The following C22orf42 variants were observed in gnomAD, a reference collection of about 807,000 sequenced individuals.
C22orf42 encodes uncharacterized protein C22orf42.
In C22orf42, 24 loss-of-function variants were observed where a neutral mutation model predicts 31.4. That is an observed-to-expected ratio of 0.77 (90% confidence interval 0.55 to 1.08). C22orf42 has a LOEUF of 1.08. Among genes scored for constraint, C22orf42 ranks in the 50% least tolerant of loss-of-function variants. C22orf42 has a pLI of 0.00. For missense variants in C22orf42, 276 were observed against 327.3 expected, an observed-to-expected ratio of 0.84 and a Z score of 1.21; for synonymous variants, 96 against 112.7, an observed-to-expected ratio of 0.85 and a Z score of 0.94.
chr22:32,159,604 A>C (rs1361824550), upstream of C22orf42: 1 of 484,562 alleles, frequency 2.1e-6, no homozygotes, highest in Non-Finnish European at 2.8e-6. Flanking sequence ...TGGTTACTAA[A>C]GTCAGTTCCA....
At position 32,156,619 on chromosome 22, in the gene C22orf42, G is replaced by A. The variant is rs1217224372; in HGVS notation, c.233-2301C>T. On this transcript the variant is annotated intron_variant, in intron 1 of 8. Transcript: ENST00000382097. ...CCTGCTTTCTTTCATGTATGTTACC[G>A]CATGTTCTCCCTTTTTGCTTTTCTG... 6.8e-5 allele frequency among the ~76,000 whole-genome samples: 9 copies of A among 133,228 alleles called. No individual in the cohort carries two copies. In the East Asian group the frequency reaches 1.2e-3, roughly 18 times the overall value. 87.4% of individuals were successfully genotyped at this position (133,228 alleles called of 152,430 possible).
In C22orf42 at chr22:32,159,096, T is replaced by C; in HGVS notation, c.120A>G (p.Ala40=). ...CEIPETVAAT[A]PASTTAKPAK... is the part of the protein sequence containing the mutation. The stretch of plus-strand genomic sequence containing the variant: ...CAGGCTTTGCAGTGGTGGATGCTGG[T>C]GCTGTGGCTGCCACAGTCTCAGGAA... The change falls in exon 1 of 9, where the codon GCA becomes GCG. Residue 40 remains alanine (A), a synonymous_variant. Transcript: ENST00000382097. The C allele has an allele frequency of 1.2e-6, 2 of 1,614,176 alleles. No individual in the cohort carries two copies. The highest frequency in any genetic ancestry group is 1.7e-6 in the Non-Finnish European group (2 of 1,180,020).
Position 32,150,588 on chromosome 22 carries a change from G to A in C22orf42, c.494-109C>T, listed in dbSNP as rs531798915. ...ATCATGTGCAGGTGGGCGGTTGACA[G>A]GCATGGACTGAGCTGCTGCTGGACC... On this transcript the variant is annotated intron_variant, in intron 6 of 8. Coordinates refer to ENST00000382097, the MANE Select transcript of C22orf42 (RefSeq NM_001010859.3). The A allele has an allele frequency of 3.7e-6, 4 of 1,069,126 alleles. No homozygotes were observed. In the East Asian group the frequency reaches 7.2e-5, roughly 19 times the overall value. The allele number at this position is 1,069,126 out of a possible 1,614,324, so 66.2% of individuals were successfully genotyped here.
At chr22:32,158,095 T>C (rs1345658717) in intron 1 of C22orf42, among the ~76,000 whole-genome samples, 4 of 152,266 alleles carry the variant, frequency 2.6e-5, no homozygotes, top group Non-Finnish European at 5.9e-5. Context: ...AATGTAGTTA[T>C]ACACAAATTT....
In C22orf42 at chr22:32,154,307, G is replaced by A. The variant is rs749257845; in HGVS notation, c.244C>T (p.Arg82Cys). 2.4e-5 allele frequency: 38 copies of A among 1,612,434 alleles called. No homozygotes were observed. The highest frequency in any genetic ancestry group is 1.6e-4 in the Middle Eastern group (1 of 6,076). Reference protein sequence around the residue: ...MLKMSKGLDARSKRWLKIIWR... With the variant: ...MLKMSKGLDACSKRWLKIIWR... The stretch of plus-strand genomic sequence containing the variant: ...ATTATTTTTAACCAGCGCTTGGAGC[G>A]GGCGTCCAAACCTGCAAGGTAGAGC... The change falls in exon 2 of 9, where the codon CGC (arginine) becomes TGC (cysteine). Residue 82 changes from arginine (R) to cysteine (C), a missense_variant. Transcript: ENST00000382097.
intron 1 of C22orf42, among the ~76,000 whole-genome samples, 197 bp from the exon 2 acceptor site, chr22:32,154,515 G>T (rs1292846539): frequency 2.0e-5 from 3 of 152,234 alleles, no homozygotes; most frequent in Admixed American, 1.3e-4. Flanking sequence ...ATTTTGCAAG[G>T]TTCGTTGCAT....
Position 32,150,539 on chromosome 22 carries a change from T to C in C22orf42, c.494-60A>G, listed in dbSNP as rs540529853. On this transcript the variant is annotated intron_variant, in intron 6 of 8. Coordinates refer to ENST00000382097, the MANE Select transcript of C22orf42 (RefSeq NM_001010859.3). ...CTGCTGAGGAATCCCACAAGGAGCC[T>C]TGGGGGATGTGGACCAGGGCTGGAT... The C allele has an allele frequency of 7.4e-5, 116 of 1,564,712 alleles. No homozygotes were observed. In the East Asian group the frequency reaches 1.9e-3, roughly 25 times the overall value.
At chr22:32,157,550 C>A (rs1206948877) in intron 1 of C22orf42, among the ~76,000 whole-genome samples, 1 of 152,230 alleles carries the variant, frequency 6.6e-6, no homozygotes, top group Non-Finnish European at 1.5e-5. Context: ...TCCCATCATC[C>A]TCACAAGGCT....
chr22:32,151,681 C>T, intron 4 of C22orf42, 130 bp from the exon 5 acceptor site: 1 of 821,746 alleles, frequency 1.2e-6, no homozygotes, highest in Admixed American at 2.0e-5. Flanking sequence ...TGAGCTGCTG[C>T]TGGACCATTC....
In C22orf42 at chr22:32,149,345, C is replaced by T. The variant is rs1603174481; in HGVS notation, c.*195G>A. 9.3e-6 allele frequency: 5 copies of T among 535,236 alleles called. No homozygotes were observed. In the East Asian group the frequency reaches 1.3e-4, roughly 14 times the overall value. The allele number at this position is 535,236 out of a possible 1,614,324, so 33.2% of individuals were successfully genotyped here. ...GCATGGTGACTGAGAATGTGAGCCT[C>T]AGAATGAAATGTAAGAACACCAGGC... is the stretch of plus-strand genomic sequence containing the variant. On this transcript the variant is annotated 3_prime_UTR_variant, in exon 9 of 9. Coordinates refer to ENST00000382097, the MANE Select transcript of C22orf42 (RefSeq NM_001010859.3).
At chr22:32,152,707 G>A in intron 2 of C22orf42, 81 bp from the exon 3 acceptor site, 1 of 1,392,396 alleles carries the variant, frequency 7.2e-7, no homozygotes, top group Non-Finnish European at 1.0e-6. Flanking sequence ...GTGGACCGGG[G>A]CTGGAGTATG....
intron 2 of C22orf42, among the ~76,000 whole-genome samples, chr22:32,152,876 G>T (rs1477856826): frequency 1.3e-5 from 2 of 152,172 alleles, no homozygotes; most frequent in Non-Finnish European, 2.9e-5. Flanking sequence ...GTTTAATACA[G>T]AAAGGCACTG....
In C22orf42 at chr22:32,150,334, G is replaced by A. The variant is rs1373450976; in HGVS notation, c.639C>T (p.Leu213=). The A allele has an allele frequency of 6.2e-7, 1 of 1,613,902 alleles. No homozygotes were observed. The highest frequency in any genetic ancestry group is 1.3e-5 in the African/African-American group (1 of 74,918). The part of the protein sequence containing the change: ...SESLSVSLED[L]MTPEMAKERY... ...TGCATCTTACCATCTCCGGTGTCAT[G>A]AGGTCTTCAAGAGAGACAGATAGGC... The change falls in exon 7 of 9, where the codon CTC becomes CTT. Residue 213 remains leucine (L), a synonymous_variant. Coordinates refer to ENST00000382097, the MANE Select transcript of C22orf42 (RefSeq NM_001010859.3).
intron 1 of C22orf42, among the ~76,000 whole-genome samples, chr22:32,158,727 CAA>C (rs2149514979): frequency 6.6e-6 from 1 of 151,906 alleles, no homozygotes; most frequent in South Asian, 2.1e-4. Flanking sequence ...ATGGGGACTC[CAA>C]AACTGGAGTA....
At position 32,149,608 on chromosome 22, in the gene C22orf42, C is replaced by A; in HGVS notation, c.688G>T (p.Val230Phe). The A allele has an allele frequency of 6.6e-7, 1 of 1,509,722 alleles. No homozygotes were observed. The highest frequency in any genetic ancestry group is 8.9e-7 in the Non-Finnish European group (1 of 1,121,282). 93.5% of individuals were successfully genotyped at this position (1,509,722 alleles called of 1,614,324 possible). The change falls in exon 9 of 9, where the codon GTT (valine) becomes TTT (phenylalanine). Residue 230 changes from valine (V) to phenylalanine (F), a missense_variant. Val to Phe is a conservative substitution (Grantham distance 50, BLOSUM62 -1). Coordinates refer to ENST00000382097, the MANE Select transcript of C22orf42 (RefSeq NM_001010859.3). ...TTGAGCCGAGACCGTGCCATCTTAA[C>A]CCAGCCTAGGGGAAAAGAACAAGAC... ...KERYEDYLCW[V>F]KMARSRLNEP...
intron 1 of C22orf42, among the ~76,000 whole-genome samples, chr22:32,156,487 C>T (rs1300365954): frequency 2.1e-5 from 3 of 139,888 alleles, no homozygotes; most frequent in South Asian, 2.5e-4. Context: ...TGAGAAAACA[C>T]GCACTTTGGC....
At position 32,158,364 on chromosome 22, in the gene C22orf42, T is replaced by C. The variant is rs538406552; in HGVS notation, c.232+620A>G. 1.2e-4 allele frequency among the ~76,000 whole-genome samples: 18 copies of C among 152,334 alleles called. No individual in the cohort carries two copies. In the South Asian group the frequency reaches 2.1e-3, roughly 18 times the overall value. On this transcript the variant is annotated intron_variant, in intron 1 of 8. Coordinates refer to ENST00000382097, the MANE Select transcript of C22orf42 (RefSeq NM_001010859.3). ...ATCAGAGCTCCATGACTAAACTCTTTGGGTAAAACCAACACAAAAGCAATT... is the reference window on the plus strand; with the variant it reads ...ATCAGAGCTCCATGACTAAACTCTTCGGGTAAAACCAACACAAAAGCAATT...
At position 32,154,350 on chromosome 22, in the gene C22orf42, T is replaced by C. The variant is rs987725885; in HGVS notation, c.233-32A>G. The stretch of plus-strand genomic sequence containing the variant: ...GGTAGAGCAGACTTCTTATAGATTC[T>C]AGGAAATGTATTATAATAAAGACAG... On this transcript the variant is annotated intron_variant, in intron 1 of 8. Coordinates refer to ENST00000382097, the MANE Select transcript of C22orf42 (RefSeq NM_001010859.3). 1.5e-5 allele frequency: 24 copies of C among 1,604,756 alleles called. No homozygotes were observed. In the East Asian group the frequency reaches 3.8e-4, roughly 25 times the overall value.
Position 32,152,633 on chromosome 22 carries a change from G to T in C22orf42, c.308-7C>A. 6.2e-7 allele frequency: 1 copy of T among 1,613,628 alleles called. No individual in the cohort carries two copies. The highest frequency in any genetic ancestry group is 8.5e-7 in the Non-Finnish European group (1 of 1,179,526). On this transcript the variant is annotated splice_region_variant and splice_polypyrimidine_tract_variant and intron_variant, in intron 2 of 8. Transcript: ENST00000382097. ...TGCACATCTTCAGTGGGACCTAGGA[G>T]AACACAGAGTGACAGTCAGTGCATT...
Sources: gnomAD v4.1 joint callset for allele counts (sites outside exome capture counted in the v4.1 genomes callset) on GRCh38, gnomAD v4.1.1 for gene constraint, MANE v1.5 for transcripts, NCBI Gene and HGNC (gene_info 2026-07-23, HGNC 2026-07-21) for gene names.